Variants in IL1RAPL1 observed in about 807,000 individuals in gnomAD.
IL1RAPL1 encodes interleukin 1 receptor accessory protein like 1, also known as interleukin-1 receptor accessory protein-like 1.
Under a neutral mutation model 48.4 loss-of-function variants are expected in IL1RAPL1, and 3 were observed. The observed-to-expected ratio is 0.06, with a 90% CI of 0.03 to 0.16. The LOEUF is 0.16. IL1RAPL1 is among the 10% of genes least tolerant of loss of function. The probability of loss-of-function intolerance (pLI) is 1.00; values close to 1 mark genes in which losing one functional copy is unlikely to be tolerated. For synonymous variants in IL1RAPL1, 185 were observed against 187.7 expected (o/e 0.99, Z 0.12); for missense variants, 349 against 530.6 (o/e 0.66, Z 3.36).
chrX:29,585,898 G>A (rs1390398811), intron 5 of IL1RAPL1, among the ~76,000 whole-genome samples: 2 of 110,930 alleles, frequency 1.8e-5, no homozygotes, highest in Admixed American at 1.9e-4. Context: ...TTGTTTGTTT[G>A]CTATTGAGTT....
intron 6 of IL1RAPL1, among the ~76,000 whole-genome samples, chrX:29,891,237 G>GC (rs199595968): frequency 3.6e-5 from 4 of 111,521 alleles, no homozygotes; most frequent in African/African-American, 1.3e-4. Flanking sequence ...AAATAATTAA[G>GC]AATAACATCA....
intron 2 of IL1RAPL1, among the ~76,000 whole-genome samples, chrX:29,001,769 T>A (rs1446031163): frequency 8.9e-6 from 1 of 111,783 alleles, no homozygotes; most frequent in East Asian, 2.8e-4. Context: ...AAATTCATTC[T>A]GAGATCATCA....
At chrX:29,409,932 C>T (rs1934120979) in intron 5 of IL1RAPL1, among the ~76,000 whole-genome samples, 2 of 107,074 alleles carry the variant, frequency 1.9e-5, no homozygotes, top group African/African-American at 6.8e-5. Context: ...AAGCGATTCT[C>T]CTGCCTCAGC....
chrX:29,791,427 C>CTT (rs772185346), intron 6 of IL1RAPL1, among the ~76,000 whole-genome samples: 4 of 99,776 alleles, frequency 4.0e-5, no homozygotes, highest in African/African-American at 1.5e-4. Flanking sequence ...TTCTTTTTAT[C>CTT]TTTTTTTTTT....
At chrX:29,701,977 A>G (rs1197067077) in intron 6 of IL1RAPL1, among the ~76,000 whole-genome samples, 3 of 111,778 alleles carry the variant, frequency 2.7e-5, no homozygotes, top group Non-Finnish European at 1.9e-5. Context: ...CTTCCTGGCC[A>G]GGCGCGGTGG....
intron 2 of IL1RAPL1, among the ~76,000 whole-genome samples, chrX:28,876,923 A>G (rs1418643975): frequency 1.8e-5 from 2 of 111,980 alleles, no homozygotes; most frequent in Admixed American, 9.5e-5. Context: ...CAGACCAGCT[A>G]TGGACTATGT....
intron 5 of IL1RAPL1, among the ~76,000 whole-genome samples, chrX:29,514,316 G>A (rs1215549110): frequency 2.7e-5 from 3 of 112,099 alleles, no homozygotes; most frequent in Non-Finnish European, 3.8e-5. Flanking sequence ...TTCTTCACAC[G>A]TTCCTCAGAC....
At chrX:28,837,682 CTTTTTTTTTT>C (rs58666924) in intron 2 of IL1RAPL1, among the ~76,000 whole-genome samples, 9 of 37,220 alleles carry the variant, frequency 2.4e-4, no homozygotes, top group South Asian at 2.6e-3. Context: ...CATTCCACTT[CTTTTTTTTTT>C]TTTTTTTTTT....
chrX:29,239,342 T>A (rs1293692253), intron 2 of IL1RAPL1, among the ~76,000 whole-genome samples: 2 of 112,635 alleles, frequency 1.8e-5, no homozygotes, highest in African/African-American at 3.2e-5. Flanking sequence ...ACATTATTTT[T>A]AAAAATATGA....
chrX:29,952,786 A>G (rs1402878131), intron 9 of IL1RAPL1, among the ~76,000 whole-genome samples: 1 of 112,313 alleles, frequency 8.9e-6, no homozygotes, highest in Non-Finnish European at 1.9e-5. Context: ...ATTTGGTATG[A>G]TTGTTTTTCT....
At chrX:29,595,663 G>C (rs566652604) in intron 5 of IL1RAPL1, among the ~76,000 whole-genome samples, 17 of 111,948 alleles carry the variant, frequency 1.5e-4, no homozygotes, top group African/African-American at 4.9e-4. Context: ...GTAAGGTTGT[G>C]AAGATTTTCT....
rs201355062 is a variant in IL1RAPL1, at chrX:29,830,449, C to CT, written c.779-86999dup. Among the ~76,000 whole-genome samples, 560 of 97,275 alleles carry CT rather than the reference C, an allele frequency of 5.8e-3. 2 individuals carry two copies. The highest frequency in any genetic ancestry group is 0.017 in the African/African-American group (448 of 26,950). The allele number at this position is 97,275 out of a possible 115,157, so 84.5% of individuals were successfully genotyped here. ...GATTCATCATTTACCAATTCTGACTCTTTTTTTTTTTTTTTTGAGACAAGA... is the reference window on the plus strand; with the variant it reads ...GATTCATCATTTACCAATTCTGACTCTTTTTTTTTTTTTTTTTGAGACAAGA... On this transcript the variant is annotated intron_variant, in intron 6 of 10. Coordinates refer to ENST00000378993, the MANE Select transcript of IL1RAPL1 (RefSeq NM_014271.4).
At chrX:29,647,226 T>C (rs1925360683) in intron 5 of IL1RAPL1, among the ~76,000 whole-genome samples, 1 of 110,043 alleles carries the variant, frequency 9.1e-6, no homozygotes. Flanking sequence ...GGCACGCGAC[T>C]GTAGTCCCAG....
intron 6 of IL1RAPL1, among the ~76,000 whole-genome samples, chrX:29,740,122 GAA>G (rs1172511347): frequency 0.022 from 1,168 of 52,272 alleles, 22 homozygotes; most frequent in African/African-American, 0.065. Context: ...CAAAAAAACA[GAA>G]AAAAAAAAAA....
intron 2 of IL1RAPL1, among the ~76,000 whole-genome samples, chrX:28,941,139 T>C (rs921614588): frequency 3.6e-5 from 4 of 111,219 alleles, no homozygotes; most frequent in African/African-American, 1.3e-4. Context: ...AATACACCAG[T>C]GAGTGACATA....
chrX:28,597,151 A>G (rs1346279949), intron 1 of IL1RAPL1, among the ~76,000 whole-genome samples: 2 of 111,469 alleles, frequency 1.8e-5, no homozygotes, highest in African/African-American at 6.5e-5. Context: ...ATGTAAGAAG[A>G]TAAGGCTGGA....
At chrX:28,894,854 G>C (rs999072065) in intron 2 of IL1RAPL1, among the ~76,000 whole-genome samples, 1 of 111,019 alleles carries the variant, frequency 9.0e-6, no homozygotes, top group Non-Finnish European at 1.9e-5. Flanking sequence ...AAGGGATTGG[G>C]GTTTGGGAGA....
In IL1RAPL1 at chrX:29,314,346, A is replaced by C. The variant is rs189459575; in HGVS notation, c.362+31129A>C. Among the ~76,000 whole-genome samples the C allele has an allele frequency of 4.2e-3, 474 of 112,268 alleles. 8 individuals are homozygous for C. Among genetic ancestry groups the C allele is most frequent in the African/African-American group, 0.014 (446 of 30,944 alleles). On this transcript the variant is annotated intron_variant, in intron 3 of 10. Coordinates refer to ENST00000378993, the MANE Select transcript of IL1RAPL1 (RefSeq NM_014271.4). ...AAGAATTGGTGGACCCAGTGAGTCC[A>C]GGTTCTTAGAATAAGTCTTGATGAG... is the stretch of plus-strand genomic sequence containing the variant.
chrX:29,498,588 T>A (rs1013662702), intron 5 of IL1RAPL1, among the ~76,000 whole-genome samples: 2 of 111,446 alleles, frequency 1.8e-5, no homozygotes, highest in African/African-American at 6.5e-5. Flanking sequence ...TTTTCTTTTT[T>A]AAAAAAAATT....
Sources: gnomAD v4.1 joint callset for allele counts (sites outside exome capture counted in the v4.1 genomes callset) on GRCh38, gnomAD v4.1.1 for gene constraint, MANE v1.5 for transcripts, NCBI Gene and HGNC (gene_info 2026-07-23, HGNC 2026-07-21) for gene names.